SRGAP3: variants seen among roughly 807,000 people sequenced by gnomAD.
SRGAP3 encodes the protein SLIT-ROBO Rho GTPase-activating protein 3.
In SRGAP3, 39 loss-of-function variants were observed where a neutral mutation model predicts 121.1. That is an observed-to-expected ratio of 0.32 (90% CI 0.25 to 0.42). The LOEUF (loss-of-function observed/expected upper bound fraction) is 0.42, where lower values mean the gene tolerates loss of function less well. SRGAP3 is among the 10% of genes least tolerant of loss of function. The pLI, the probability that SRGAP3 is intolerant of heterozygous loss-of-function variation, is 1.00. For synonymous variants in SRGAP3, 601 were observed against 570.0 expected, an observed-to-expected ratio of 1.05 and a Z score of -0.77; for missense variants, 1,213 against 1,470.6, an observed-to-expected ratio of 0.82 and a Z score of 2.86.
chr3:9,199,067 C>G (rs1471480913), intron 1 of SRGAP3, among the ~76,000 whole-genome samples: 4 of 152,092 alleles, frequency 2.6e-5, no homozygotes, highest in South Asian at 2.1e-4. Flanking sequence ...TCTGCCCCCC[C>G]TTCCCATCCT....
intron 3 of SRGAP3, among the ~76,000 whole-genome samples, chr3:9,268,344 CT>C (rs1191105538): frequency 2.0e-5 from 3 of 151,872 alleles, no homozygotes; most frequent in South Asian, 2.1e-4. Context: ...CTCTTCCCCC[CT>C]CTCTCTTCTC....
At chr3:9,315,399 G>T (rs1030296073) in intron 3 of SRGAP3, among the ~76,000 whole-genome samples, 1 of 152,228 alleles carries the variant, frequency 6.6e-6, no homozygotes, top group African/African-American at 2.4e-5. Context: ...CTGGGAAGAG[G>T]ATTTGATCAT....
chr3:8,989,073 C>G (rs1941892664), intron 21 of SRGAP3, among the ~76,000 whole-genome samples: 2 of 152,214 alleles, frequency 1.3e-5, no homozygotes, highest in Admixed American at 1.3e-4. Flanking sequence ...CCTTGCTGAC[C>G]ACAGAACATG....
chr3:9,268,308 CTCTCTCTCTCTCTCTT>C (rs1473304798), intron 3 of SRGAP3, among the ~76,000 whole-genome samples: 1 of 151,774 alleles, frequency 6.6e-6, no homozygotes, highest in Non-Finnish European at 1.5e-5. Context: ...CTCTCTCTCT[CTCTCTCTCTCTCTCTT>C]TCTCTCTCTC....
intron 2 of SRGAP3, among the ~76,000 whole-genome samples, chr3:9,123,397 A>ATATAT (rs764680440): frequency 4.5e-4 from 40 of 89,220 alleles, no homozygotes; most frequent in African/African-American, 1.4e-3. Flanking sequence ...ATACATACAC[A>ATATAT]ATACACATAC....
rs1301668987 is a variant in SRGAP3, at chr3:8,985,727, G to C, written c.3092C>G (p.Ser1031Cys). Residue 1031 changes from serine (S) to cysteine (C), a missense_variant, in exon 22 of 22, where the codon TCC becomes TGC. Physicochemically the swap from Ser to Cys is moderately radical, Grantham distance 112. This residue lies in a region of SRGAP3 where 420 missense variants were observed against 437.7 expected (regional missense o/e 0.96). Coordinates refer to ENST00000383836, the MANE Select transcript of SRGAP3 (RefSeq NM_014850.4). The surrounding 1 kb of genome is among the most constrained non-coding windows in gnomAD (Gnocchi z 5.1). ...PDAAMRRSSS[S>C]STEMMTTFKP... Reference sequence around the variant, plus strand: ...GAAGGTGGTCATCATCTCGGTGGAGGAGCTGCTGCTGCGGCGCATGGCGGC... The same window carrying C: ...GAAGGTGGTCATCATCTCGGTGGAGCAGCTGCTGCTGCGGCGCATGGCGGC... 6.3e-7 allele frequency: 1 copy of C among 1,598,602 alleles called. No individual in the cohort carries two copies. The highest frequency in any genetic ancestry group is 8.5e-7 in the Non-Finnish European group (1 of 1,179,638).
At chr3:9,251,529 T>G (rs1954017938), upstream of SRGAP3, among the ~76,000 whole-genome samples, 1 of 152,208 alleles carries the variant, frequency 6.6e-6, no homozygotes, top group East Asian at 1.9e-4. Flanking sequence ...TACGACAGAC[T>G]GGATCCTCTC....
intron 3 of SRGAP3, among the ~76,000 whole-genome samples, chr3:9,265,676 C>G (rs572165360): frequency 2.6e-5 from 4 of 151,888 alleles, no homozygotes; most frequent in African/African-American, 9.7e-5. Flanking sequence ...AATGAGATAC[C>G]ATCTCACACC....
intron 2 of SRGAP3, among the ~76,000 whole-genome samples, chr3:9,113,384 C>T (rs1307787916): frequency 6.6e-6 from 1 of 152,174 alleles, no homozygotes; most frequent in African/African-American, 2.4e-5. Context: ...TTGCCTTCAC[C>T]TTTCCAAGGC....
At chr3:9,078,189 T>A (rs1412939823) in intron 4 of SRGAP3, among the ~76,000 whole-genome samples, 1 of 151,658 alleles carries the variant, frequency 6.6e-6, no homozygotes, top group Non-Finnish European at 1.5e-5. Flanking sequence ...AGGTATTTGG[T>A]GTAAATAGAG....
At chr3:9,257,698 CTTTTTT>C (rs386395913) in intron 3 of SRGAP3, among the ~76,000 whole-genome samples, 35 of 73,248 alleles carry the variant, frequency 4.8e-4, no homozygotes, top group Admixed American at 1.5e-3. Flanking sequence ...AAAATAGCTC[CTTTTTT>C]TTTTTTTTTT....
intron 3 of SRGAP3, among the ~76,000 whole-genome samples, chr3:9,299,987 C>T (rs948015403): frequency 1.3e-5 from 2 of 151,594 alleles, no homozygotes; most frequent in African/African-American, 4.9e-5. Context: ...GTGACTTTGG[C>T]ATGTTACTTC....
In SRGAP3 at chr3:9,000,403, A is replaced by C. The variant is rs142251973; in HGVS notation, c.2228-5880T>G. Among the ~76,000 whole-genome samples, 625 of 152,322 alleles carry C rather than the reference A, an allele frequency of 4.1e-3. 1 individual carries two copies. The highest frequency in any genetic ancestry group is 5.9e-3 in the Non-Finnish European group (402 of 68,018). On this transcript the variant is annotated intron_variant, in intron 18 of 21. Coordinates refer to ENST00000383836, the MANE Select transcript of SRGAP3 (RefSeq NM_014850.4). ...CCCCTCCACAAAGCACTCAGTGGGG[A>C]CATCACTCAGAAGATGCCATTGTCT...
intron 5 of SRGAP3, among the ~76,000 whole-genome samples, chr3:9,061,698 GGTCATTTTCA>G (rs1204026596): frequency 2.6e-5 from 4 of 152,202 alleles, no homozygotes; most frequent in African/African-American, 7.2e-5. Context: ...CCCTGCACAA[GGTCATTTTCA>G]GTCATTTTCA....
Position 8,982,360 on chromosome 3 carries a change from A to G in SRGAP3, c.*3159T>C. ...AATGGTGATGAACAAGTAGGTAAAC[A>G]CCACTTCCCCTTGTACAATTGGTTA... On this transcript the variant is annotated 3_prime_UTR_variant, in exon 22 of 22. Coordinates refer to ENST00000383836, the MANE Select transcript of SRGAP3 (RefSeq NM_014850.4). 1 of 226,378 alleles carries G rather than the reference A, an allele frequency of 4.4e-6. No individual in the cohort carries two copies. The highest frequency in any genetic ancestry group is 8.8e-6 in the Non-Finnish European group (1 of 113,464). The allele number at this position is 226,378 out of a possible 1,614,324, so 14.0% of individuals were successfully genotyped here.
intron 4 of SRGAP3, among the ~76,000 whole-genome samples, chr3:9,075,397 G>GCGCGCA (rs1553654726): frequency 3.8e-4 from 57 of 151,004 alleles, no homozygotes; most frequent in Admixed American, 1.1e-3. Context: ...GTGTGCGCGC[G>GCGCGCA]CACATATGTG....
chr3:9,029,944 C>A (rs1944394626), intron 12 of SRGAP3, among the ~76,000 whole-genome samples: 1 of 149,742 alleles, frequency 6.7e-6, no homozygotes, highest in Non-Finnish European at 1.5e-5. Flanking sequence ...AGTTCAAGAC[C>A]AGCCTGAACA....
At chr3:9,320,300 G>C (rs1428686017) in intron 3 of SRGAP3, among the ~76,000 whole-genome samples, 1 of 151,902 alleles carries the variant, frequency 6.6e-6, no homozygotes, top group African/African-American at 2.4e-5. Context: ...TTGGATCTGT[G>C]TTCCCCACCA....
chr3:9,043,001 T>C (rs1216280236), intron 10 of SRGAP3, among the ~76,000 whole-genome samples: 5 of 152,176 alleles, frequency 3.3e-5, no homozygotes, highest in Non-Finnish European at 7.3e-5. Flanking sequence ...TCTCATCCTT[T>C]AGTTTCAGCT....
Sources: gnomAD v4.1 joint callset for allele counts (sites outside exome capture counted in the v4.1 genomes callset) on GRCh38, gnomAD v4.1.1 for gene constraint, gnomAD v4.1.1 regional missense constraint, Gnocchi (gnomAD v3.1) non-coding constraint, MANE v1.5 for transcripts, NCBI Gene and HGNC (gene_info 2026-07-23, HGNC 2026-07-21) for gene names.